The following CELF2 variants were observed in gnomAD, a reference collection of about 807,000 sequenced individuals.
CELF2 encodes the protein CUG triplet repeat RNA-binding protein 2.
A neutral mutation model predicts 62.6 loss-of-function variants in CELF2; 8 were observed. That is an observed-to-expected ratio of 0.13 (90% CI 0.07 to 0.23). The LOEUF is 0.23. CELF2 is among the 10% of genes least tolerant of loss of function. The probability of loss-of-function intolerance (pLI) is 1.00; values close to 1 mark genes in which losing one functional copy is unlikely to be tolerated. For synonymous variants in CELF2, 258 were observed against 250.0 expected (o/e 1.03, Z -0.30); for missense variants, 333 against 671.0 (o/e 0.50, Z 5.56).
In CELF2 at chr10:11,270,568, C is replaced by T. The variant is rs1216577812; in HGVS notation, c.619-98C>T. ...ACCATTTCAGCCCATTCCATGTGCTCCAGGCTAGTGCAGAAAGGTAGCTCC... is the reference window on the plus strand; with the variant it reads ...ACCATTTCAGCCCATTCCATGTGCTTCAGGCTAGTGCAGAAAGGTAGCTCC... On this transcript the variant is annotated intron_variant, in intron 6 of 12. Transcript: ENST00000633077. The surrounding 1 kb of genome is among the most constrained non-coding windows in gnomAD (Gnocchi z 5.8). 1.9e-6 allele frequency: 2 copies of T among 1,079,288 alleles called. No individual in the cohort carries two copies. The highest frequency in any genetic ancestry group is 3.0e-5 in the Admixed American group (1 of 32,996). 66.9% of individuals were successfully genotyped at this position (1,079,288 alleles called of 1,614,324 possible). A position where few individuals can be genotyped will look rare whatever the true frequency, so the allele number is the denominator to read the frequency against.
chr10:10,917,724 G>T (rs1042690523), intron 1 of CELF2, among the ~76,000 whole-genome samples: 1 of 152,192 alleles, frequency 6.6e-6, no homozygotes, highest in African/African-American at 2.4e-5. Flanking sequence ...GAGCTACAGT[G>T]GGGCTGGTGG....
chr10:10,963,203 G>A (rs569047718), intron 2 of CELF2, among the ~76,000 whole-genome samples: 14 of 152,044 alleles, frequency 9.2e-5, no homozygotes, highest in South Asian at 2.1e-4. Flanking sequence ...ACAGGCACAC[G>A]CCACCACGTT....
chr10:10,622,310 A>G, the CELF2 span, among the ~76,000 whole-genome samples: 5,294 of 152,200 alleles, frequency 0.035, 201 homozygotes, highest in African/African-American at 0.098. Context: ...AGTGATTCTT[A>G]TAAGATGCCA....
At chr10:10,487,005 G>A in the CELF2 span, among the ~76,000 whole-genome samples, 2 of 152,112 alleles carry the variant, frequency 1.3e-5, no homozygotes, top group African/African-American at 4.8e-5. Context: ...CCTGTCCATC[G>A]TATATGCCTA....
At position 11,005,573 on chromosome 10, in the gene CELF2, A is replaced by G. The variant is rs2137127795; in HGVS notation, c.53+133A>G. On this transcript the variant is annotated intron_variant, in intron 1 of 12. Transcript: ENST00000416382. The surrounding 1 kb of genome is among the most constrained non-coding windows in gnomAD (Gnocchi z 4.3). ...AGGGGGGAAAAAGAATCTAAAGAGG[A>G]AGAGGGAGATGAAATCGAGACCCAG... The G allele has an allele frequency of 7.2e-7, 1 of 1,382,994 alleles. No homozygotes were observed. The highest frequency in any genetic ancestry group is 2.3e-5 in the East Asian group (1 of 43,618). The allele number at this position is 1,382,994 out of a possible 1,614,324, so 85.7% of individuals were successfully genotyped here. A position where few individuals can be genotyped will look rare whatever the true frequency, so the allele number is the denominator to read the frequency against.
chr10:10,502,570 C>G, the CELF2 span, among the ~76,000 whole-genome samples: 2 of 151,844 alleles, frequency 1.3e-5, no homozygotes, highest in African/African-American at 4.8e-5. Context: ...ATTCATAATA[C>G]ATTATTTCCT....
the CELF2 span, among the ~76,000 whole-genome samples, chr10:10,700,366 G>T: frequency 0.04 from 6,061 of 152,292 alleles, 463 homozygotes; most frequent in East Asian, 0.39. Context: ...TGCAGCCTCT[G>T]AAGGAGTGAA....
Position 11,270,649 on chromosome 10 carries a change from A to G in CELF2, c.619-17A>G, listed in dbSNP as rs764865326. ...GCCTGTAACCCCCTCTCCACTTTCC[A>G]ATGTGTCTGACCACAGGGCTGCTCT... On this transcript the variant is annotated splice_polypyrimidine_tract_variant and intron_variant, in intron 6 of 12. Coordinates refer to ENST00000633077, the MANE Select transcript of CELF2 (RefSeq NM_001326342.2). The surrounding 1 kb of genome is among the most constrained non-coding windows in gnomAD (Gnocchi z 5.8). The G allele has an allele frequency of 1.3e-5, 18 of 1,412,740 alleles. No homozygotes were observed. The Admixed American group carries it at 3.9e-4, about 31-fold the overall frequency. 87.5% of individuals were successfully genotyped at this position (1,412,740 alleles called of 1,614,324 possible). A position where few individuals can be genotyped will look rare whatever the true frequency, so the allele number is the denominator to read the frequency against.
chr10:11,237,378 T>A lies in CELF2; in HGVS notation c.355-11775T>A, dbSNP rs2136690891. Among the ~76,000 whole-genome samples the A allele has an allele frequency of 6.6e-6, 1 of 152,284 alleles. No homozygotes were observed. On this transcript the variant is annotated intron_variant, in intron 3 of 12. Coordinates refer to ENST00000633077, the MANE Select transcript of CELF2 (RefSeq NM_001326342.2). This position sits in a 1 kb window ranked among gnomAD's most constrained non-coding sequence, Gnocchi z 4.0. The stretch of plus-strand genomic sequence containing the variant: ...CCAGCTTCTCAAGTTCTCTGTGGGG[T>A]ACCCAGATTCAGGTCATTTCCTATG...
At chr10:10,486,378 A>G in the CELF2 span, among the ~76,000 whole-genome samples, 3 of 152,216 alleles carry the variant, frequency 2.0e-5, no homozygotes, top group Non-Finnish European at 4.4e-5. Context: ...ATCTAGAGAG[A>G]GCAACTGCTA....
chr10:10,566,727 A>G, the CELF2 span, among the ~76,000 whole-genome samples: 2 of 152,072 alleles, frequency 1.3e-5, no homozygotes, highest in Non-Finnish European at 2.9e-5. Flanking sequence ...TCTTTTGTTC[A>G]CAACATATGT....
intron 2 of CELF2, among the ~76,000 whole-genome samples, chr10:10,964,932 C>T (rs1230714792): frequency 6.6e-6 from 1 of 151,826 alleles, no homozygotes. Context: ...TTCAGCTGGA[C>T]ATGAAAAAAA....
At chr10:11,007,494 CT>C (rs2055494696) in intron 1 of CELF2, among the ~76,000 whole-genome samples, 1 of 152,098 alleles carries the variant, frequency 6.6e-6, no homozygotes, top group Non-Finnish European at 1.5e-5. Context: ...AGTAGGTACA[CT>C]CAAAACATAT....
intron 1 of CELF2, among the ~76,000 whole-genome samples, chr10:10,865,038 C>T (rs150563418): frequency 9.2e-5 from 14 of 152,308 alleles, no homozygotes; most frequent in Admixed American, 9.1e-4. Context: ...ACCATATATT[C>T]ATTTAAAAAT....
At chr10:11,127,981 C>T (rs1034084330) in intron 1 of CELF2, among the ~76,000 whole-genome samples, 1 of 152,148 alleles carries the variant, frequency 6.6e-6, no homozygotes, top group African/African-American at 2.4e-5. Flanking sequence ...AATGTATTGC[C>T]TGGGTTTTCT....
chr10:11,102,935 A>G lies in CELF2; in HGVS notation c.75-62551A>G, dbSNP rs975508157. 3.9e-5 allele frequency among the ~76,000 whole-genome samples: 6 copies of G among 152,138 alleles called. No individual in the cohort carries two copies. The East Asian group carries it at 1.2e-3, about 29-fold the overall frequency. On this transcript the variant is annotated intron_variant, in intron 1 of 12. Transcript: ENST00000633077. ...TATGGACAGACCACTTCTCCCTTGC[A>G]CAGTTGGAACAACCTCTTCAGCCAC...
intron 1 of CELF2, among the ~76,000 whole-genome samples, chr10:11,130,083 C>A (rs2059387300): frequency 6.6e-6 from 1 of 152,170 alleles, no homozygotes; most frequent in Non-Finnish European, 1.5e-5. Flanking sequence ...TCTTGGTTCT[C>A]ATTGGTTTCA....
At chr10:10,658,038 G>C in the CELF2 span, among the ~76,000 whole-genome samples, 2 of 152,200 alleles carry the variant, frequency 1.3e-5, no homozygotes, top group Non-Finnish European at 2.9e-5. Flanking sequence ...ATGAAACAGA[G>C]AGGAAAGTAG....
At chr10:10,671,731 T>C in the CELF2 span, among the ~76,000 whole-genome samples, 1 of 143,256 alleles carries the variant, frequency 7.0e-6, no homozygotes, top group African/African-American at 2.5e-5. Flanking sequence ...TCTGTATGTC[T>C]TTTTTTTTTT....
Sources: allele counts gnomAD v4.1 joint callset (sites outside exome capture counted in the v4.1 genomes callset), GRCh38; gene constraint gnomAD v4.1.1; non-coding constraint Gnocchi (gnomAD v3.1); transcripts MANE v1.5; gene names NCBI Gene and HGNC (gene_info 2026-07-23, HGNC 2026-07-21).